BRD10: variants seen among roughly 807,000 people sequenced by gnomAD.
BRD10 encodes bromodomain containing 10, also known as uncharacterized bromodomain-containing protein 10.
At chr9:5,901,885 A>G in the BRD10 span, among the ~76,000 whole-genome samples, 2 of 152,178 alleles carry the variant, frequency 1.3e-5, no homozygotes, top group African/African-American at 4.8e-5. Flanking sequence ...CATGGTATGT[A>G]ATTCCTTTTA....
the BRD10 span, among the ~76,000 whole-genome samples, chr9:5,961,438 A>C: frequency 3.9e-5 from 6 of 152,124 alleles, no homozygotes; most frequent in Admixed American, 3.3e-4. Context: ...CAATGAAAGA[A>C]AACCAAATGA....
the BRD10 span, chr9:5,920,252 G>C: frequency 4.3e-6 from 7 of 1,613,888 alleles, no homozygotes; most frequent in Non-Finnish European, 5.9e-6. Flanking sequence ...TTTTGGATTA[G>C]TAGATATAAG....
At chr9:5,917,240 A>G in the BRD10 span, among the ~76,000 whole-genome samples, 35 of 152,340 alleles carry the variant, frequency 2.3e-4, no homozygotes, top group African/African-American at 7.9e-4. Flanking sequence ...ACAATATAAT[A>G]ATGCTGGCTG....
the BRD10 span, chr9:5,922,026 G>T: frequency 6.2e-7 from 1 of 1,613,852 alleles, no homozygotes; most frequent in Non-Finnish European, 8.5e-7. Context: ...GTTGATTTTG[G>T]CACCAGAAAT....
At chr9:5,893,041 C>T in the BRD10 span, among the ~76,000 whole-genome samples, 2 of 152,084 alleles carry the variant, frequency 1.3e-5, no homozygotes, top group Non-Finnish European at 2.9e-5. Flanking sequence ...TAACTTTATC[C>T]TAAGGAAAGA....
chr9:5,880,703 CT>C, the BRD10 span, among the ~76,000 whole-genome samples: 10,603 of 138,614 alleles, frequency 0.076, 568 homozygotes, highest in African/African-American at 0.15. Context: ...TCCAACATTA[CT>C]TTTTTTTTTT....
the BRD10 span, among the ~76,000 whole-genome samples, chr9:5,929,814 ATTG>A: frequency 6.6e-5 from 10 of 152,128 alleles, no homozygotes; most frequent in African/African-American, 2.2e-4. Flanking sequence ...AGATGTGTGC[ATTG>A]TTATGTTCAC....
chr9:5,921,071 G>A, the BRD10 span: 1 of 1,613,894 alleles, frequency 6.2e-7, no homozygotes, highest in Non-Finnish European at 8.5e-7. Context: ...AGAAACCACT[G>A]ATTCATTAAC....
At chr9:5,961,158 G>T in the BRD10 span, among the ~76,000 whole-genome samples, 1 of 152,128 alleles carries the variant, frequency 6.6e-6, no homozygotes, top group Non-Finnish European at 1.5e-5. Flanking sequence ...TAATCCTTCT[G>T]TCCCTAAGAA....
At chr9:5,905,573 G>T in the BRD10 span, among the ~76,000 whole-genome samples, 1 of 152,162 alleles carries the variant, frequency 6.6e-6, no homozygotes, top group East Asian at 1.9e-4. Context: ...AGCATCACAT[G>T]ACAGATTGCA....
At chr9:5,903,067 G>T in the BRD10 span, among the ~76,000 whole-genome samples, 5 of 152,010 alleles carry the variant, frequency 3.3e-5, no homozygotes, top group Non-Finnish European at 7.4e-5. Flanking sequence ...TTTCTCCTGA[G>T]ATTTCTCCTT....
chr9:5,969,716 T>C, the BRD10 span, among the ~76,000 whole-genome samples: 1 of 152,134 alleles, frequency 6.6e-6, no homozygotes, highest in Admixed American at 6.5e-5. Flanking sequence ...GCTAACATTT[T>C]GTATTTTTTA....
the BRD10 span, among the ~76,000 whole-genome samples, chr9:5,926,735 G>C: frequency 1.3e-5 from 2 of 152,060 alleles, no homozygotes; most frequent in African/African-American, 2.4e-5. Flanking sequence ...GTTTCATCAT[G>C]TTAGCCAGGA....
chr9:5,920,735 G>A, the BRD10 span: 2 of 1,613,818 alleles, frequency 1.2e-6, no homozygotes, highest in Non-Finnish European at 1.7e-6. Flanking sequence ...TTTAGGGGAT[G>A]TAGTCGCAGG....
the BRD10 span, among the ~76,000 whole-genome samples, chr9:5,933,482 T>C: frequency 1.3e-5 from 2 of 152,204 alleles, no homozygotes; most frequent in Non-Finnish European, 2.9e-5. Flanking sequence ...CAGCTGCAGA[T>C]TGCCAGCTCC....
chr9:5,908,150 T>A, the BRD10 span, among the ~76,000 whole-genome samples: 55 of 152,202 alleles, frequency 3.6e-4, 1 homozygote, highest in Non-Finnish European at 1.3e-4. Context: ...GTGCCCCAGT[T>A]TCCCATTCTG....
At chr9:6,005,468 G>A in the BRD10 span, among the ~76,000 whole-genome samples, 1 of 152,158 alleles carries the variant, frequency 6.6e-6, no homozygotes, top group Non-Finnish European at 1.5e-5. Flanking sequence ...TCACGCCACT[G>A]GACTCCAGCC....
At chr9:5,947,019 A>G in the BRD10 span, among the ~76,000 whole-genome samples, 1 of 152,100 alleles carries the variant, frequency 6.6e-6, no homozygotes, top group African/African-American at 2.4e-5. Context: ...GCCCTAAAAC[A>G]TTTTGAGATC....
At chr9:5,988,985 A>C in the BRD10 span, among the ~76,000 whole-genome samples, 2 of 152,098 alleles carry the variant, frequency 1.3e-5, no homozygotes, top group African/African-American at 4.8e-5. Context: ...AATCTCAGCA[A>C]TTTGGGAGGC....
Sources: allele counts gnomAD v4.1 joint callset (sites outside exome capture counted in the v4.1 genomes callset), GRCh38; gene constraint gnomAD v4.1.1; transcripts MANE v1.5; gene names NCBI Gene and HGNC (gene_info 2026-07-23, HGNC 2026-07-21).